SRGAP1: variants seen among roughly 807,000 people sequenced by gnomAD.
SRGAP1 encodes the protein SLIT-ROBO Rho GTPase-activating protein 1.
SRGAP1 carries 43 observed loss-of-function variants against 121.9 expected under a neutral mutation model. The observed-to-expected ratio is 0.35, with a 90% CI of 0.28 to 0.46. The LOEUF is 0.46. SRGAP1 is among the 20% of genes least tolerant of loss of function. The pLI is 1.00. For synonymous variants in SRGAP1, 447 were observed against 485.4 expected, an observed-to-expected ratio of 0.92 and a Z score of 1.04; for missense variants, 1,102 against 1,350.9, an observed-to-expected ratio of 0.82 and a Z score of 2.89.
At chr12:63,918,279 TAG>T (rs1345734406) in intron 1 of SRGAP1, among the ~76,000 whole-genome samples, 1 of 152,160 alleles carries the variant, frequency 6.6e-6, no homozygotes, top group African/African-American at 2.4e-5. Context: ...TACCCTGTTT[TAG>T]AGATGAGAAA....
intron 8 of SRGAP1, among the ~76,000 whole-genome samples, chr12:64,070,062 G>C (rs17711421): frequency 0.014 from 2,189 of 152,258 alleles, 22 homozygotes; most frequent in Middle Eastern, 0.02. Flanking sequence ...CACCGGTCCA[G>C]CATTGCTCTT....
chr12:64,068,108 G>A (rs944527780), intron 8 of SRGAP1, among the ~76,000 whole-genome samples: 5 of 151,750 alleles, frequency 3.3e-5, no homozygotes, highest in East Asian at 3.9e-4. Context: ...GTGAAACCCC[G>A]TCTCTACTAA....
chr12:64,095,142 G>A lies in SRGAP1; in HGVS notation c.1616G>A (p.Gly539Glu). 6.2e-7 allele frequency: 1 copy of A among 1,613,962 alleles called. No homozygotes were observed. Among genetic ancestry groups the A allele is most frequent in the Non-Finnish European group, 8.5e-7 (1 of 1,179,976 alleles). Reference sequence around the variant, plus strand: ...TTCTCTTTAGGTCTTCAGCATCAGGGGATTTTCAGAGTGTCTGGTTCCCAG... The same window carrying A: ...TTCTCTTTAGGTCTTCAGCATCAGGAGATTTTCAGAGTGTCTGGTTCCCAG... ...FINLYGLQHQ[G>E]IFRVSGSQVE... Residue 539 changes from glycine (G) to glutamate (E), a missense_variant, in exon 14 of 22, where the codon GGG becomes GAG. Around this residue, in one of 3 missense-constraint regions of SRGAP1, gnomAD observed 747 missense variants for 929.4 expected, o/e 0.80. Coordinates refer to ENST00000355086, the MANE Select transcript of SRGAP1 (RefSeq NM_020762.4).
chr12:64,138,933 C>A (rs2036909260), intron 21 of SRGAP1, among the ~76,000 whole-genome samples: 1 of 152,006 alleles, frequency 6.6e-6, no homozygotes, highest in South Asian at 2.1e-4. Context: ...TCATACTGTT[C>A]CAATCAAAAC....
In SRGAP1 at chr12:64,154,655, G is replaced by A. The variant is rs769624131; in HGVS notation, c.*11983G>A. 6.6e-6 allele frequency: 1 copy of A among 152,166 alleles called. No homozygotes were observed. The highest frequency in any genetic ancestry group is 1.5e-5 in the Non-Finnish European group (1 of 68,032). 9.4% of individuals were successfully genotyped at this position (152,166 alleles called of 1,614,324 possible). On this transcript the variant is annotated 3_prime_UTR_variant, in exon 22 of 22. Coordinates refer to ENST00000355086, the MANE Select transcript of SRGAP1 (RefSeq NM_020762.4). ...CCAGGATGTACAACCAAGTATTCAC[G>A]TTTGAATTTATTTAATTTAAGATAG...
At chr12:63,984,556 C>A (rs955239822) in intron 2 of SRGAP1, among the ~76,000 whole-genome samples, 1 of 152,066 alleles carries the variant, frequency 6.6e-6, no homozygotes, top group East Asian at 1.9e-4. Context: ...TTTGTGCCCC[C>A]CTTCCTGCCC....
At chr12:64,054,696 G>A (rs1267332893) in intron 6 of SRGAP1, among the ~76,000 whole-genome samples, 3 of 151,562 alleles carry the variant, frequency 2.0e-5, no homozygotes, top group African/African-American at 7.3e-5. Flanking sequence ...TTGGATGACT[G>A]AAGTAGTTGG....
chr12:64,110,397 C>T (rs1187879927), intron 16 of SRGAP1, among the ~76,000 whole-genome samples: 1 of 152,208 alleles, frequency 6.6e-6, no homozygotes, highest in Non-Finnish European at 1.5e-5. Context: ...ATGGGTGTTG[C>T]TGTTATTGCT....
chr12:63,875,796 T>C (rs1285959624), intron 1 of SRGAP1, among the ~76,000 whole-genome samples: 3 of 152,200 alleles, frequency 2.0e-5, no homozygotes, highest in Non-Finnish European at 4.4e-5. Flanking sequence ...GAGAGGTCTC[T>C]GCAATATACA....
At chr12:63,922,562 G>C (rs2031102226) in intron 1 of SRGAP1, among the ~76,000 whole-genome samples, 2 of 152,180 alleles carry the variant, frequency 1.3e-5, no homozygotes. Flanking sequence ...AGGCCTCCAT[G>C]ATCCTACTTC....
At position 64,049,343 on chromosome 12, in the gene SRGAP1, G is replaced by A. The variant is rs190558058; in HGVS notation, c.801+5768G>A. Among the ~76,000 whole-genome samples the A allele has an allele frequency of 2.0e-5, 3 of 152,294 alleles. No individual in the cohort carries two copies. The East Asian group carries it at 5.8e-4, about 29-fold the overall frequency. On this transcript the variant is annotated intron_variant, in intron 6 of 21. Transcript: ENST00000355086. The stretch of plus-strand genomic sequence containing the variant: ...ACTGGGAAATTTATAAAGGAAAGAG[G>A]TTTAATTGACTCACAGTTCCACATG...
At chr12:64,010,863 A>G (rs896290292) in intron 3 of SRGAP1, among the ~76,000 whole-genome samples, 6 of 151,526 alleles carry the variant, frequency 4.0e-5, no homozygotes, top group African/African-American at 1.5e-4. Context: ...AGGCACTTCA[A>G]CGTTAGAGTT....
At chr12:63,908,380 A>G (rs1016813509) in intron 1 of SRGAP1, among the ~76,000 whole-genome samples, 2 of 152,068 alleles carry the variant, frequency 1.3e-5, no homozygotes, top group Non-Finnish European at 2.9e-5. Flanking sequence ...CTTCTTTAAT[A>G]TTTTTCAACA....
At chr12:64,136,066 C>T (rs1387866242) in intron 21 of SRGAP1, among the ~76,000 whole-genome samples, 2 of 152,214 alleles carry the variant, frequency 1.3e-5, no homozygotes, top group Non-Finnish European at 2.9e-5. Context: ...TCGCTGGCAT[C>T]TGATTAGATG....
chr12:63,940,776 G>A (rs569164525), intron 1 of SRGAP1, among the ~76,000 whole-genome samples: 18 of 152,302 alleles, frequency 1.2e-4, no homozygotes, highest in African/African-American at 4.1e-4. Flanking sequence ...CATCGTTGGA[G>A]GCAACATGCC....
chr12:63,932,122 A>C (rs75162855), intron 1 of SRGAP1, among the ~76,000 whole-genome samples: 1 of 149,456 alleles, frequency 6.7e-6, no homozygotes, highest in Non-Finnish European at 1.5e-5. Context: ...CTAAAAATAC[A>C]AAAAAAAAAT....
chr12:63,952,032 A>G (rs982547183), intron 1 of SRGAP1, among the ~76,000 whole-genome samples: 2 of 152,202 alleles, frequency 1.3e-5, no homozygotes, highest in African/African-American at 2.4e-5. Flanking sequence ...CCTATGGCTC[A>G]TGCAGAAAAT....
At chr12:63,981,980 G>A (rs1297412815) in intron 1 of SRGAP1, among the ~76,000 whole-genome samples, 4 of 152,096 alleles carry the variant, frequency 2.6e-5, no homozygotes, top group East Asian at 1.9e-4. Context: ...TTGGGAGGCC[G>A]AGGTGGGCGG....
intron 1 of SRGAP1, among the ~76,000 whole-genome samples, chr12:63,884,090 C>A (rs190559219): frequency 2.6e-5 from 4 of 151,248 alleles, no homozygotes; most frequent in Non-Finnish European, 2.9e-5. Flanking sequence ...TGAGACCAGC[C>A]GGGCCAACAT....
Sources: allele counts gnomAD v4.1 joint callset (sites outside exome capture counted in the v4.1 genomes callset), GRCh38; gene constraint gnomAD v4.1.1; regional missense constraint gnomAD v4.1.1; transcripts MANE v1.5; gene names NCBI Gene and HGNC (gene_info 2026-07-23, HGNC 2026-07-21).